The following KDM2A variants were observed in gnomAD, a reference collection of about 807,000 sequenced individuals.
KDM2A encodes the protein lysine-specific demethylase 2A.
KDM2A carries 3 observed loss-of-function variants against 137.3 expected under a neutral mutation model. The observed-to-expected ratio is 0.02, with a 90% CI of 0.01 to 0.06. The LOEUF is 0.06. Ranked by LOEUF, KDM2A falls within the 10% of genes least tolerant of loss-of-function variation. KDM2A has a pLI of 1.00. For missense variants in KDM2A, 738 were observed against 1,510.6 expected (o/e 0.49, Z 8.48); for synonymous variants, 512 against 541.5 (o/e 0.95, Z 0.76).
intron 5 of KDM2A, among the ~76,000 whole-genome samples, chr11:67,198,594 C>T (rs1857540983): frequency 6.6e-6 from 1 of 151,268 alleles, no homozygotes; most frequent in Non-Finnish European, 1.5e-5. Context: ...CCTGTAGTCC[C>T]AGCTATTTGG....
chr11:67,239,961 C>A, intron 12 of KDM2A: 1 of 935,188 alleles, frequency 1.1e-6, no homozygotes, highest in Non-Finnish European at 1.4e-6. Flanking sequence ...TTGCTGAACA[C>A]ACCCCCTCCC....
chr11:67,120,448 A>G (rs868796394), intron 1 of KDM2A, among the ~76,000 whole-genome samples: 3 of 152,342 alleles, frequency 2.0e-5, no homozygotes, highest in Middle Eastern at 3.4e-3. Context: ...GAATATTTAG[A>G]AAAAAGAAAA....
At chr11:67,156,688 C>T (rs557950739) in intron 2 of KDM2A, among the ~76,000 whole-genome samples, 1 of 147,946 alleles carries the variant, frequency 6.8e-6, no homozygotes, top group South Asian at 2.2e-4. Context: ...CTCTGCACTC[C>T]AGCCTGGGCA....
In KDM2A at chr11:67,231,788, G is replaced by A; in HGVS notation, c.1307G>A (p.Gly436Glu). ...SSDCSRGSHN[G>E]QVWDPQCAPR... ...GACTGTAGCCGGGGCTCCCACAATGGACAAGTGTGGGATCCCCAGTGTGCT... is the reference window on the plus strand; with the variant it reads ...GACTGTAGCCGGGGCTCCCACAATGAACAAGTGTGGGATCCCCAGTGTGCT... Residue 436 changes from glycine (G) to glutamate (E), a missense_variant, in exon 12 of 21, where the codon GGA becomes GAA. Physicochemically the swap from Gly to Glu is moderately conservative, Grantham distance 98. Transcript: ENST00000529006. The A allele has an allele frequency of 6.2e-7, 1 of 1,614,036 alleles. No homozygotes were observed. The highest frequency in any genetic ancestry group is 8.5e-7 in the Non-Finnish European group (1 of 1,179,902).
At position 67,248,277 on chromosome 11, in the gene KDM2A, A is replaced by G. The variant is rs369284982; in HGVS notation, c.1966-4A>G. On this transcript the variant is annotated splice_region_variant and splice_polypyrimidine_tract_variant and intron_variant, in intron 15 of 20. Coordinates refer to ENST00000529006, the MANE Select transcript of KDM2A (RefSeq NM_012308.3). ...CTTTTAAAAACATCTCTGTCTTCCT[A>G]TAGATGGACGGAGAGGGGTTGCTTA... 20 of 1,598,806 alleles carry G rather than the reference A, an allele frequency of 1.3e-5. No homozygotes were observed. Among genetic ancestry groups the G allele is most frequent in the South Asian group, 6.8e-5 (6 of 88,470 alleles).
chr11:67,209,578 G>A (rs1198839168), intron 6 of KDM2A, among the ~76,000 whole-genome samples: 2 of 151,644 alleles, frequency 1.3e-5, no homozygotes, highest in African/African-American at 4.8e-5. Flanking sequence ...CAAATAGCTG[G>A]GATTACAGGG....
chr11:67,178,383 C>T (rs1039767483), intron 2 of KDM2A, among the ~76,000 whole-genome samples: 2 of 152,010 alleles, frequency 1.3e-5, no homozygotes, highest in African/African-American at 2.4e-5. Flanking sequence ...CCAGCCTGCG[C>T]GACAGAGCAC....
chr11:67,150,094 C>A (rs1220239122), intron 2 of KDM2A, among the ~76,000 whole-genome samples: 4 of 152,150 alleles, frequency 2.6e-5, no homozygotes, highest in Non-Finnish European at 5.9e-5. Flanking sequence ...AATGACAGAT[C>A]TTACACGAAA....
Position 67,207,391 on chromosome 11 carries a change from G to T in KDM2A, c.308-119G>T, listed in dbSNP as rs1857835409. ...ATTGTTGAGTGAGAACTTTTTCCTT[G>T]TGTATTATTGAAAATAAGAAAGGAC... On this transcript the variant is annotated intron_variant, in intron 5 of 20. Transcript: ENST00000529006. 1.0e-5 allele frequency: 7 copies of T among 678,198 alleles called. No individual in the cohort carries two copies. In the South Asian group the frequency reaches 2.1e-4, roughly 20 times the overall value. 42.0% of individuals were successfully genotyped at this position (678,198 alleles called of 1,614,324 possible).
intron 10 of KDM2A, among the ~76,000 whole-genome samples, chr11:67,224,722 T>A (rs2136412849): frequency 6.6e-6 from 1 of 150,838 alleles, no homozygotes; most frequent in East Asian, 1.9e-4. Context: ...CACCTCAGCC[T>A]CCCAAAGTGC....
chr11:67,160,185 C>A (rs1447224810), intron 2 of KDM2A, among the ~76,000 whole-genome samples: 1 of 152,106 alleles, frequency 6.6e-6, no homozygotes. Flanking sequence ...TAGTTCAGTT[C>A]TGTTAGGAAC....
At chr11:67,180,911 C>G (rs907841560) in intron 3 of KDM2A, among the ~76,000 whole-genome samples, 1 of 151,756 alleles carries the variant, frequency 6.6e-6, no homozygotes, top group African/African-American at 2.4e-5. Context: ...ATCTGCCCAC[C>G]TTGGCCTCCC....
intron 5 of KDM2A, chr11:67,196,072 T>G (rs1197315055): frequency 2.5e-6 from 1 of 398,370 alleles, no homozygotes; most frequent in African/African-American, 2.1e-5. Context: ...CCCATCCCAG[T>G]TAAGCTGAGT....
chr11:67,122,494 T>C (rs1170214791), intron 2 of KDM2A, among the ~76,000 whole-genome samples: 2 of 151,778 alleles, frequency 1.3e-5, no homozygotes, highest in Non-Finnish European at 2.9e-5. Flanking sequence ...GTCCAGCTAA[T>C]TTTTGTATTT....
At chr11:67,134,971 T>G (rs1178076205) in intron 2 of KDM2A, among the ~76,000 whole-genome samples, 1 of 152,204 alleles carries the variant, frequency 6.6e-6, no homozygotes, top group Non-Finnish European at 1.5e-5. Flanking sequence ...CATATTTTCT[T>G]TACTCCTTTT....
chr11:67,157,268 G>A (rs951765523), intron 2 of KDM2A, among the ~76,000 whole-genome samples: 4 of 145,438 alleles, frequency 2.8e-5, no homozygotes, highest in Non-Finnish European at 6.0e-5. Flanking sequence ...AGCCAAAATC[G>A]CGCCACTGCA....
chr11:67,185,618 G>T (rs1457433357), intron 5 of KDM2A, among the ~76,000 whole-genome samples: 1 of 150,220 alleles, frequency 6.7e-6, no homozygotes. Context: ...TAGCCTTGGT[G>T]ACGAGCGAAA....
At chr11:67,174,305 T>C (rs918089682) in intron 2 of KDM2A, among the ~76,000 whole-genome samples, 1 of 152,196 alleles carries the variant, frequency 6.6e-6, no homozygotes, top group African/African-American at 2.4e-5. Context: ...TCTCAGCTTA[T>C]TCTAGTTTTC....
At chr11:67,217,975 C>A in intron 9 of KDM2A, 91 bp downstream of exon 9, 2 of 1,126,056 alleles carry the variant, frequency 1.8e-6, no homozygotes, top group Non-Finnish European at 1.2e-6. Context: ...AGTTATGATG[C>A]TGGGCGTCTG....
Sources: gnomAD v4.1 joint callset for allele counts (sites outside exome capture counted in the v4.1 genomes callset) on GRCh38, gnomAD v4.1.1 for gene constraint, MANE v1.5 for transcripts, NCBI Gene and HGNC (gene_info 2026-07-23, HGNC 2026-07-21) for gene names.